Variants in CEP295 observed in about 807,000 individuals in gnomAD.
The protein encoded by CEP295 is centrosomal protein 295, also known as centrosomal protein of 295 kDa.
Under a neutral mutation model 291.6 loss-of-function variants are expected in CEP295, and 190 were observed. That is an observed-to-expected ratio of 0.65 (90% CI 0.58 to 0.73). The LOEUF (loss-of-function observed/expected upper bound fraction) is 0.73. Ranked by LOEUF, CEP295 falls within the 30% of genes least tolerant of loss-of-function variation. The pLI, the probability that CEP295 is intolerant of heterozygous loss-of-function variation, is 0.00. For missense variants in CEP295, 2,863 were observed against 2,949.4 expected (o/e 0.97, Z 0.68); for synonymous variants, 993 against 1,038.8 (o/e 0.96, Z 0.85).
At chr11:93,677,936 A>G (rs781361280) in intron 6 of CEP295, among the ~76,000 whole-genome samples, 9 of 152,200 alleles carry the variant, frequency 5.9e-5, no homozygotes, top group Non-Finnish European at 1.2e-4. Context: ...ACACAAATCT[A>G]TAGGGGATTG....
chr11:93,729,323 A>G, intron 25 of CEP295, 111 bp from the exon 26 acceptor site: 1 of 732,446 alleles, frequency 1.4e-6, no homozygotes, highest in Non-Finnish European at 2.4e-6. Flanking sequence ...CCCAGCTAAG[A>G]TTGAGGCTGC....
chr11:93,692,132 A>G (rs900003649), intron 12 of CEP295, 102 bp downstream of exon 12: 5 of 656,120 alleles, frequency 7.6e-6, no homozygotes, highest in Non-Finnish European at 1.3e-5. Context: ...GCTAATTTTG[A>G]TATCATGTTT....
In CEP295 at chr11:93,723,102, A is replaced by G; in HGVS notation, c.6009A>G (p.Glu2003=). 6.4e-7 allele frequency: 1 copy of G among 1,551,520 alleles called. No homozygotes were observed. Among genetic ancestry groups the G allele is most frequent in the Non-Finnish European group, 8.7e-7 (1 of 1,146,686 alleles). Residue 2003 remains glutamate, a synonymous_variant, in exon 21 of 30, where the codon GAA becomes GAG. Transcript: ENST00000325212. ...AATCTACCACCAGTAAAGAAGAGGAAACAAATATTATAAGTTCCATAGTTC... is the reference window on the plus strand; with the variant it reads ...AATCTACCACCAGTAAAGAAGAGGAGACAAATATTATAAGTTCCATAGTTC... ...KQESTTSKEE[E]TNIISSIVPS... is the part of the protein sequence containing the mutation.
intron 7 of CEP295, among the ~76,000 whole-genome samples, chr11:93,681,114 T>C (rs540294629): frequency 7.9e-4 from 120 of 152,310 alleles, no homozygotes; most frequent in South Asian, 1.4e-3. Flanking sequence ...AAAGCAGTAA[T>C]GTTTAGTAGT....
chr11:93,674,815 C>G (rs1026610255), intron 5 of CEP295, among the ~76,000 whole-genome samples: 1 of 152,132 alleles, frequency 6.6e-6, no homozygotes, highest in African/African-American at 2.4e-5. Flanking sequence ...GTTAGAACTT[C>G]TAGTTAGAAC....
rs1019093260 is a variant in CEP295 at position 93,723,394 on chromosome 11, T to C, written c.6196+105T>C. 7.2e-6 allele frequency: 6 copies of C among 833,740 alleles called. No individual in the cohort carries two copies. The African/African-American group carries it at 8.7e-5, about 12-fold the overall frequency. The allele number at this position is 833,740 out of a possible 1,614,324, so 51.6% of individuals were successfully genotyped here. On this transcript the variant is annotated intron_variant, in intron 21 of 29. Coordinates refer to ENST00000325212, the MANE Select transcript of CEP295 (RefSeq NM_033395.2). ...TGATTGTTTGAGCTTCATGTTCTTA[T>C]GGCCTGCTACAACACCGTTTTACCA...
At chr11:93,680,466 G>T (rs536156398) in intron 7 of CEP295, among the ~76,000 whole-genome samples, 2 of 152,118 alleles carry the variant, frequency 1.3e-5, no homozygotes, top group Non-Finnish European at 2.9e-5. Context: ...TTAGCCAGGC[G>T]TGGTGGCCTG....
At chr11:93,723,000 G>A (rs747910394) in intron 20 of CEP295, 41 bp from the exon 21 acceptor site, 50 of 1,527,366 alleles carry the variant, frequency 3.3e-5, no homozygotes, top group Non-Finnish European at 4.1e-5. Context: ...GAGCCATCAC[G>A]CCTGGCCTAT....
Position 93,729,471 on chromosome 11 carries a change from C to A in CEP295, c.7340C>A (p.Ala2447Asp), listed in dbSNP as rs766809003. ...EFLPLVSATEASDYPAVSELS... is the reference protein window; with the variant it reads ...EFLPLVSATEDSDYPAVSELS... The stretch of plus-strand genomic sequence containing the variant: ...CTGCCTCTTGTATCAGCAACAGAAG[C>A]CTCAGATTATCCAGCTGTATCAGAA... The change falls in exon 26 of 30, where the codon GCC becomes GAC. Residue 2447 changes from alanine (A) to aspartate (D), a missense_variant. By Grantham distance (126) the Ala-to-Asp change is moderately radical. Coordinates refer to ENST00000325212, the MANE Select transcript of CEP295 (RefSeq NM_033395.2). The A allele has an allele frequency of 1.3e-6, 2 of 1,551,784 alleles. No individual in the cohort carries two copies. Among genetic ancestry groups the A allele is most frequent in the African/African-American group, 1.4e-5 (1 of 73,038 alleles).
At chr11:93,702,392 A>G in intron 15 of CEP295, 68 bp from the exon 16 acceptor site, 1 of 1,056,430 alleles carries the variant, frequency 9.5e-7, no homozygotes, top group South Asian at 2.0e-5. Context: ...GGAGATATAA[A>G]TCTAATGAAT....
chr11:93,674,285 T>C (rs1950583864), intron 5 of CEP295, among the ~76,000 whole-genome samples: 2 of 152,192 alleles, frequency 1.3e-5, no homozygotes, highest in Non-Finnish European at 2.9e-5. Context: ...TTATATTGTT[T>C]CTGTTCACTT....
chr11:93,698,030 C>T lies in CEP295; in HGVS notation c.3118C>T (p.Gln1040Ter). ...VSCQSDIPISQDGSLSFLQQF... is the reference protein window; with the variant it reads ...VSCQSDIPIS ...ATGCCAATCTGACATCCCCATATCT[C>T]AGGATGGGTCTTTGAGTTTCCTACA... is the stretch of plus-strand genomic sequence containing the variant. Residue 1040 changes from glutamine to a stop codon, truncating the protein, a stop_gained, in exon 15 of 30, where the codon CAG becomes TAG. Transcript: ENST00000325212. LOFTEE classifies it high-confidence loss of function. 1.3e-6 allele frequency: 2 copies of T among 1,551,788 alleles called. No individual in the cohort carries two copies. The highest frequency in any genetic ancestry group is 1.7e-6 in the Non-Finnish European group (2 of 1,146,994).
At chr11:93,703,906 C>G (rs985758969) in intron 17 of CEP295, among the ~76,000 whole-genome samples, 3 of 151,634 alleles carry the variant, frequency 2.0e-5, no homozygotes, top group Middle Eastern at 6.8e-3. Context: ...GGAGCTGGAA[C>G]TAGAGGCACC....
chr11:93,725,590 T>A, intron 22 of CEP295, 61 bp from the exon 23 acceptor site: 1 of 1,306,464 alleles, frequency 7.7e-7, no homozygotes, highest in Non-Finnish European at 1.0e-6. Context: ...ACACAATGAT[T>A]ATTGTTTCAA....
At chr11:93,712,811 T>A (rs187656197) in intron 18 of CEP295, among the ~76,000 whole-genome samples, 57 of 152,076 alleles carry the variant, frequency 3.7e-4, no homozygotes, top group Non-Finnish European at 7.9e-4. Context: ...TTATTTGTTT[T>A]CTGGTTATTT....
chr11:93,676,461 A>G (rs1950696413), intron 6 of CEP295, among the ~76,000 whole-genome samples: 1 of 152,014 alleles, frequency 6.6e-6, no homozygotes, highest in Non-Finnish European at 1.5e-5. Context: ...CTAGGAAAAT[A>G]AATTTTATAG....
In CEP295 at chr11:93,708,913, C is replaced by T. The variant is rs139868083; in HGVS notation, c.5749+2016C>T. 6.9e-3 allele frequency among the ~76,000 whole-genome samples: 1,045 copies of T among 152,202 alleles called. 18 individuals are homozygous for T. Among genetic ancestry groups the T allele is most frequent in the African/African-American group, 0.024 (1,000 of 41,526 alleles). On this transcript the variant is annotated intron_variant, in intron 18 of 29. Transcript: ENST00000325212. ...ATGATCACTGGTGTTGATTGAGCAC[C>T]TTTTCATTTGCCTGTTTGCCATTTG...
intron 5 of CEP295, among the ~76,000 whole-genome samples, chr11:93,672,680 A>G (rs1439456164): frequency 6.6e-6 from 1 of 152,224 alleles, no homozygotes; most frequent in Non-Finnish European, 1.5e-5. Context: ...AGATAAGGCT[A>G]GAAATAGTTA....
intron 26 of CEP295, 41 bp downstream of exon 26, chr11:93,729,571 A>G (rs780904285): frequency 6.5e-7 from 1 of 1,548,260 alleles, no homozygotes. Flanking sequence ...TGGAAAGTAG[A>G]TACTTTGCCT....
Sources: allele counts gnomAD v4.1 joint callset (sites outside exome capture counted in the v4.1 genomes callset), GRCh38; gene constraint gnomAD v4.1.1; transcripts MANE v1.5; gene names NCBI Gene and HGNC (gene_info 2026-07-23, HGNC 2026-07-21).